The following STARD13 variants were observed in gnomAD, a reference collection of about 807,000 sequenced individuals.
The protein encoded by STARD13 is StAR related lipid transfer domain containing 13, also known as stAR-related lipid transfer protein 13.
Under a neutral mutation model 106.4 loss-of-function variants are expected in STARD13, and 62 were observed. That is an observed-to-expected ratio of 0.58 (90% CI 0.48 to 0.72). The LOEUF (loss-of-function observed/expected upper bound fraction) is 0.72. STARD13 is among the 30% of genes least tolerant of loss of function. The pLI is 0.00. For synonymous variants in STARD13, 565 were observed against 553.0 expected, an observed-to-expected ratio of 1.02 and a Z score of -0.31; for missense variants, 1,387 against 1,424.0, an observed-to-expected ratio of 0.97 and a Z score of 0.42.
At chr13:33,604,006 A>G in the STARD13 span, among the ~76,000 whole-genome samples, 2 of 152,204 alleles carry the variant, frequency 1.3e-5, no homozygotes, top group East Asian at 1.9e-4. Context: ...AGACACTCTT[A>G]CAATTAAGTA....
chr13:33,211,831 G>GTGTGTGTGTA (rs1555248568), intron 1 of STARD13, among the ~76,000 whole-genome samples: 1,003 of 93,670 alleles, frequency 0.011, 10 homozygotes, highest in African/African-American at 0.028. Context: ...GTGTGTATGT[G>GTGTGTGTGTA]TGTGTGTGTG....
chr13:33,170,581 C>G (rs1883843977), intron 1 of STARD13, among the ~76,000 whole-genome samples: 1 of 152,174 alleles, frequency 6.6e-6, no homozygotes, highest in Non-Finnish European at 1.5e-5. Context: ...GGCACTTAAA[C>G]TTTTAGACCT....
intron 1 of STARD13, among the ~76,000 whole-genome samples, chr13:33,194,741 G>A (rs1216790226): frequency 1.3e-5 from 2 of 152,174 alleles, no homozygotes; most frequent in Non-Finnish European, 2.9e-5. Flanking sequence ...GGGCTTCTTT[G>A]GAGAAAGTGA....
chr13:33,618,860 A>C, the STARD13 span, among the ~76,000 whole-genome samples: 1 of 151,996 alleles, frequency 6.6e-6, no homozygotes, highest in Admixed American at 6.6e-5. Context: ...AGATGACAGA[A>C]GCATCTGGAA....
chr13:33,312,996 C>T (rs1893199266), intron 1 of STARD13, among the ~76,000 whole-genome samples: 1 of 152,170 alleles, frequency 6.6e-6, no homozygotes, highest in African/African-American at 2.4e-5. Flanking sequence ...ACATTTGGAT[C>T]CTAGTTAGCG....
the STARD13 span, among the ~76,000 whole-genome samples, chr13:33,384,557 A>C: frequency 6.6e-6 from 1 of 152,252 alleles, no homozygotes; most frequent in Non-Finnish European, 1.5e-5. Context: ...CACAAAAGTA[A>C]ATAATCCTGG....
the STARD13 span, among the ~76,000 whole-genome samples, chr13:33,551,568 CCTTTTTTTTTTTTTTTTTTTTTTTTTT>C: frequency 0.026 from 1,175 of 44,786 alleles, 152 homozygotes; most frequent in African/African-American, 0.082. Context: ...TTTGCTTTTC[CCTTTTTTTTTTTTTTTTTTTTTTTTTT>C]TTTTTTTTTT....
chr13:33,427,631 G>T, the STARD13 span, among the ~76,000 whole-genome samples: 1 of 152,152 alleles, frequency 6.6e-6, no homozygotes, highest in African/African-American at 2.4e-5. Flanking sequence ...CAGGTATTGA[G>T]CATTAGAAAT....
At chr13:33,165,287 T>A in intron 3 of STARD13, 50 bp downstream of exon 3, 1 of 1,358,880 alleles carries the variant, frequency 7.4e-7, no homozygotes, top group Non-Finnish European at 1.1e-6. Context: ...TAGTGATGCC[T>A]GTTGCAGACT....
At position 33,130,556 on chromosome 13, in the gene STARD13, T is replaced by G. The variant is rs1230276950; in HGVS notation, c.388-267A>C. 6.6e-6 allele frequency among the ~76,000 whole-genome samples: 1 copy of G among 152,222 alleles called. No homozygotes were observed. The highest frequency in any genetic ancestry group is 1.5e-5 in the Non-Finnish European group (1 of 68,034). On this transcript the variant is annotated intron_variant, in intron 4 of 13. Coordinates refer to ENST00000336934, the MANE Select transcript of STARD13 (RefSeq NM_178006.4). This position sits in a 1 kb window ranked among gnomAD's most constrained non-coding sequence, Gnocchi z 4.1. ...TTTCAAAGAGGTTTTGAATGCCTCC[T>G]TCCTTCCTCTCTAAGAAGTTTTCCC...
the STARD13 span, among the ~76,000 whole-genome samples, chr13:33,371,060 A>G: frequency 6.6e-6 from 1 of 152,222 alleles, no homozygotes; most frequent in Non-Finnish European, 1.5e-5. Context: ...CAGAAATTTT[A>G]CATGGGCTCC....
chr13:33,554,205 A>G, the STARD13 span, among the ~76,000 whole-genome samples: 1 of 152,338 alleles, frequency 6.6e-6, no homozygotes, highest in African/African-American at 2.4e-5. Flanking sequence ...TAATTTTTTT[A>G]GCCTCTTAAT....
intron 1 of STARD13, among the ~76,000 whole-genome samples, chr13:33,229,867 GT>G (rs1888823187): frequency 6.6e-6 from 1 of 152,192 alleles, no homozygotes; most frequent in Non-Finnish European, 1.5e-5. Flanking sequence ...TCTCTTTGTT[GT>G]CCCCCAGGAG....
At chr13:33,299,223 A>G (rs1311333487) in intron 1 of STARD13, among the ~76,000 whole-genome samples, 1 of 152,218 alleles carries the variant, frequency 6.6e-6, no homozygotes, top group East Asian at 1.9e-4. Flanking sequence ...TTCACACAAC[A>G]ACAAAATCAC....
At chr13:33,149,202 G>A (rs1880944076) in intron 3 of STARD13, among the ~76,000 whole-genome samples, 1 of 152,020 alleles carries the variant, frequency 6.6e-6, no homozygotes, top group South Asian at 2.1e-4. Flanking sequence ...GAGAATTTGG[G>A]TGATAATGAT....
At chr13:33,267,062 C>T (rs913517318) in intron 1 of STARD13, among the ~76,000 whole-genome samples, 1 of 152,186 alleles carries the variant, frequency 6.6e-6, no homozygotes, top group Non-Finnish European at 1.5e-5. Context: ...TTACCACTAT[C>T]TTATCATAAT....
the STARD13 span, among the ~76,000 whole-genome samples, chr13:33,493,909 C>T: frequency 6.6e-6 from 1 of 152,168 alleles, no homozygotes; most frequent in East Asian, 1.9e-4. Flanking sequence ...AAAAAATCCA[C>T]AGGTTGGTGC....
the STARD13 span, among the ~76,000 whole-genome samples, chr13:33,559,291 T>G: frequency 7.2e-5 from 11 of 151,810 alleles, 1 homozygote; most frequent in African/African-American, 2.4e-4. Context: ...TCACCTATTT[T>G]ATTCAACTAA....
the STARD13 span, among the ~76,000 whole-genome samples, chr13:33,564,941 C>T: frequency 2.2e-5 from 3 of 137,228 alleles, no homozygotes; most frequent in Admixed American, 1.6e-4. Context: ...TGCAGTGAGC[C>T]GAGGTCACGC....
Sources: gnomAD v4.1 joint callset for allele counts (sites outside exome capture counted in the v4.1 genomes callset) on GRCh38, gnomAD v4.1.1 for gene constraint, Gnocchi (gnomAD v3.1) non-coding constraint, MANE v1.5 for transcripts, NCBI Gene and HGNC (gene_info 2026-07-23, HGNC 2026-07-21) for gene names.